The following SMG1 variants were observed in gnomAD, a reference collection of about 807,000 sequenced individuals.
The protein encoded by SMG1 is SMG1 nonsense mediated mRNA decay associated PI3K related kinase.
A neutral mutation model predicts 419.9 loss-of-function variants in SMG1; 22 were observed. The ratio of observed to expected loss-of-function variants is 0.05; its 90% CI spans 0.04 to 0.07. SMG1 has a LOEUF of 0.07. SMG1 is among the 10% of genes least tolerant of loss of function. SMG1 has a pLI of 1.00. For missense variants in SMG1, 3,185 were observed against 4,342.0 expected, an observed-to-expected ratio of 0.73 and a Z score of 7.49; for synonymous variants, 1,538 against 1,553.5, an observed-to-expected ratio of 0.99 and a Z score of 0.23.
intron 39 of SMG1, among the ~76,000 whole-genome samples, chr16:18,842,970 A>C (rs964676589): frequency 6.6e-6 from 1 of 152,224 alleles, no homozygotes; most frequent in Admixed American, 6.5e-5. Context: ...ATTCTTTGTT[A>C]AGACTCTTTC....
chr16:18,840,735 G>C (rs1005930873), intron 41 of SMG1, among the ~76,000 whole-genome samples: 11 of 152,224 alleles, frequency 7.2e-5, no homozygotes, highest in East Asian at 1.9e-4. Flanking sequence ...AAGAACCTGG[G>C]TTTTAAAGCG....
At chr16:18,832,724 C>A (rs1008479377) in intron 51 of SMG1, among the ~76,000 whole-genome samples, 3 of 151,970 alleles carry the variant, frequency 2.0e-5, no homozygotes, top group East Asian at 3.8e-4. Context: ...ATGAAGCATG[C>A]ACAATACCTG....
chr16:18,861,850 T>C (rs1328568949), intron 25 of SMG1, among the ~76,000 whole-genome samples: 3 of 152,136 alleles, frequency 2.0e-5, no homozygotes, highest in Non-Finnish European at 4.4e-5. Context: ...CAATCCACCA[T>C]ACACTGCCAA....
In SMG1 at chr16:18,805,313, A is replaced by G. The variant is rs572826544; in HGVS notation, c.*4256T>C. 2.6e-5 allele frequency: 4 copies of G among 152,360 alleles called. No homozygotes were observed. The highest frequency in any genetic ancestry group is 4.1e-4 in the South Asian group (2 of 4,832). The allele number at this position is 152,360 out of a possible 1,614,324, so 9.4% of individuals were successfully genotyped here. ...CCTGTTTTCAAAGAAAAACATTCTA[A>G]AAGTGTGCATTTCAGAACATAGAAT... On this transcript the variant is annotated 3_prime_UTR_variant, in exon 63 of 63. Transcript: ENST00000446231.
In SMG1 at chr16:18,829,771, A is replaced by G. The variant is rs767738055; in HGVS notation, c.9134-16T>C. ...GAACTTGATCCTACAAAAAGGAAAA[A>G]TTTCTTGTATTTCATGAAAAAAATC... On this transcript the variant is annotated splice_polypyrimidine_tract_variant and intron_variant, in intron 53 of 62. Coordinates refer to ENST00000446231, the MANE Select transcript of SMG1 (RefSeq NM_015092.5). 2.5e-6 allele frequency: 4 copies of G among 1,573,712 alleles called. No homozygotes were observed. The highest frequency in any genetic ancestry group is 3.5e-6 in the Non-Finnish European group (4 of 1,158,950).
At chr16:18,840,015 T>C (rs2033823680) in intron 41 of SMG1, 69 bp from the exon 42 acceptor site, 4 of 1,254,924 alleles carry the variant, frequency 3.2e-6, no homozygotes, top group Admixed American at 2.8e-5. Context: ...GTGCCTTTTG[T>C]ATGTAAAGTA....
At position 18,892,204 on chromosome 16, in the gene SMG1, C is replaced by T; in HGVS notation, c.549+14G>A. The T allele has an allele frequency of 1.3e-6, 2 of 1,503,460 alleles. No homozygotes were observed. The highest frequency in any genetic ancestry group is 1.8e-6 in the Non-Finnish European group (2 of 1,104,514). The allele number at this position is 1,503,460 out of a possible 1,614,324, so 93.1% of individuals were successfully genotyped here. A position where few individuals can be genotyped will look rare whatever the true frequency, so the allele number is the denominator to read the frequency against. ...ACACAAAAATCCTCATATTTCCAAACATACTATACTTACCAGCTTATTTTC... is the reference window on the plus strand; with the variant it reads ...ACACAAAAATCCTCATATTTCCAAATATACTATACTTACCAGCTTATTTTC... On this transcript the variant is annotated intron_variant, in intron 4 of 62. Transcript: ENST00000446231.
intron 1 of SMG1, among the ~76,000 whole-genome samples, chr16:18,916,513 C>CA (rs59985733): frequency 0.013 from 910 of 68,384 alleles, 15 homozygotes; most frequent in South Asian, 0.048. Flanking sequence ...GACTCCATCT[C>CA]AAAAAAAAAA....
At chr16:18,866,581 TAA>T (rs775015709) in intron 23 of SMG1, 38 bp downstream of exon 23, 1 of 1,560,554 alleles carries the variant, frequency 6.4e-7, no homozygotes, top group Non-Finnish European at 8.7e-7. Flanking sequence ...AACTTAAACA[TAA>T]AGTAATTCTA....
At position 18,809,639 on chromosome 16, in the gene SMG1, T is replaced by C. The variant is rs534862377; in HGVS notation, c.10916A>G (p.Tyr3639Cys). Reference protein sequence around the residue: ...RRMSVAEQVDYVIKEATNLDN... With the variant: ...RRMSVAEQVDCVIKEATNLDN... Reference sequence around the variant, plus strand: ...TAGATTAGTTGCTTCCTTAATGACATAGTCAACCTGTAAAAATAGGCAGGA... The same window carrying C: ...TAGATTAGTTGCTTCCTTAATGACACAGTCAACCTGTAAAAATAGGCAGGA... The change falls in exon 63 of 63, where the codon TAT becomes TGT. Residue 3639 changes from tyrosine to cysteine, a missense_variant. Around this residue, in one of 27 missense-constraint regions of SMG1, gnomAD observed 41 missense variants for 78.7 expected, o/e 0.52. Transcript: ENST00000446231. 1.2e-4 allele frequency: 197 copies of C among 1,602,584 alleles called. 2 individuals carry two copies. The South Asian group carries it at 1.5e-3, about 12-fold the overall frequency.
rs144413403 is a variant in SMG1, at chr16:18,876,527, C to T, written c.1621-134G>A. ...AGATCGATCAATTCACTGTCCGTAGCACTTAATATTTTAACTTTTTAAAAA... is the reference window on the plus strand; with the variant it reads ...AGATCGATCAATTCACTGTCCGTAGTACTTAATATTTTAACTTTTTAAAAA... On this transcript the variant is annotated intron_variant, in intron 12 of 62. Transcript: ENST00000446231. 96 of 1,189,366 alleles carry T rather than the reference C, an allele frequency of 8.1e-5. No individual in the cohort carries two copies. In the East Asian group the frequency reaches 1.6e-3, roughly 20 times the overall value. The allele number at this position is 1,189,366 out of a possible 1,614,324, so 73.7% of individuals were successfully genotyped here.
rs1458760638 is a variant in SMG1, at chr16:18,868,702, C to A, written c.2851G>T (p.Ala951Ser). The A allele has an allele frequency of 8.0e-6, 10 of 1,242,450 alleles. No individual in the cohort carries two copies. Among genetic ancestry groups the A allele is most frequent in the South Asian group, 1.3e-5 (1 of 79,822 alleles). The allele number at this position is 1,242,450 out of a possible 1,614,324, so 77.0% of individuals were successfully genotyped here. ...TGATCAGGGTTTAATGTGTGAGCTG[C>A]GAGACTTCGAATGATACCTGAAAGC... ...QTIEGIIRSL[A>S]AHTLNPDQDV... The change falls in exon 21 of 63, where the codon GCA becomes TCA. Residue 951 changes from alanine to serine, a missense_variant. Transcript: ENST00000446231.
In SMG1 at chr16:18,837,364, A is replaced by G; in HGVS notation, c.7493T>C (p.Leu2498Ser). 1.9e-6 allele frequency: 3 copies of G among 1,613,960 alleles called. No individual in the cohort carries two copies. The highest frequency in any genetic ancestry group is 2.5e-6 in the Non-Finnish European group (3 of 1,179,870). Residue 2498 changes from leucine (L) to serine (S), a missense_variant, in exon 46 of 63, where the codon TTG becomes TCG. Transcript: ENST00000446231. ...LDGSLDEYLS[L>S]QEQLTDVEKL... is the part of the protein sequence containing the mutation. ...TTCCACATCTGTCAGTTGCTCTTGCAAGCTTAGGTATTCATCTAAGCTACC... is the reference window on the plus strand; with the variant it reads ...TTCCACATCTGTCAGTTGCTCTTGCGAGCTTAGGTATTCATCTAAGCTACC...
chr16:18,846,680 C>T (rs2034285520), intron 38 of SMG1, among the ~76,000 whole-genome samples: 1 of 152,168 alleles, frequency 6.6e-6, no homozygotes, highest in Non-Finnish European at 1.5e-5. Context: ...GATACCACTT[C>T]GCATCCATCA....
intron 15 of SMG1, among the ~76,000 whole-genome samples, chr16:18,871,894 C>T (rs1468825239): frequency 2.7e-5 from 4 of 148,100 alleles, no homozygotes; most frequent in Non-Finnish European, 4.5e-5. Context: ...AGCAAAACTC[C>T]GTCTCAAAAA....
intron 13 of SMG1, among the ~76,000 whole-genome samples, chr16:18,873,401 T>C (rs908961005): frequency 2.0e-5 from 3 of 152,096 alleles, no homozygotes; most frequent in Admixed American, 6.5e-5. Flanking sequence ...TGTATTTTTT[T>C]AGTAGAGATA....
Position 18,807,794 on chromosome 16 carries a change from C to A in SMG1, c.*1775G>T, listed in dbSNP as rs1029626332. On this transcript the variant is annotated 3_prime_UTR_variant, in exon 63 of 63. Coordinates refer to ENST00000446231, the MANE Select transcript of SMG1 (RefSeq NM_015092.5). ...TTTATTTTTGACACAGAGTCTAGCT[C>A]TGTTGCCCAGGCTGGAGTGCAGTGG... 2.0e-5 allele frequency: 3 copies of A among 152,156 alleles called. No homozygotes were observed. The highest frequency in any genetic ancestry group is 7.2e-5 in the African/African-American group (3 of 41,424). The allele number at this position is 152,156 out of a possible 1,614,324, so 9.4% of individuals were successfully genotyped here.
chr16:18,879,930 T>C (rs988414339), intron 10 of SMG1, among the ~76,000 whole-genome samples: 2 of 152,238 alleles, frequency 1.3e-5, no homozygotes, highest in African/African-American at 4.8e-5. Flanking sequence ...CCTAAAGTGC[T>C]ATTATGACAG....
In SMG1 at chr16:18,817,343, G is replaced by A. The variant is rs1203593079; in HGVS notation, c.10022C>T (p.Ser3341Leu). The A allele has an allele frequency of 1.9e-6, 3 of 1,612,450 alleles. No individual in the cohort carries two copies. The highest frequency in any genetic ancestry group is 1.7e-4 in the Middle Eastern group (1 of 6,060). The change falls in exon 57 of 63, where the codon TCA becomes TTA. Residue 3341 changes from serine to leucine, a missense_variant. Ser to Leu is a moderately radical substitution (Grantham distance 145). Coordinates refer to ENST00000446231, the MANE Select transcript of SMG1 (RefSeq NM_015092.5). Reference sequence around the variant, plus strand: ...CTCAGACACTGAACTGTTAAACTGTGATGCAAACGAACACATCTGCTGACA... The same window carrying A: ...CTCAGACACTGAACTGTTAAACTGTAATGCAAACGAACACATCTGCTGACA... ...KRCQQMCSFA[S>L]QFNSSVSELE...
Sources: gnomAD v4.1 joint callset for allele counts (sites outside exome capture counted in the v4.1 genomes callset) on GRCh38, gnomAD v4.1.1 for gene constraint, gnomAD v4.1.1 regional missense constraint, MANE v1.5 for transcripts, NCBI Gene and HGNC (gene_info 2026-07-23, HGNC 2026-07-21) for gene names.